Variants in STK39 observed in about 807,000 individuals in gnomAD.
STK39 encodes the protein serine/threonine kinase 39.
Under a neutral mutation model 77.8 loss-of-function variants are expected in STK39, and 20 were observed. That is an observed-to-expected ratio of 0.26 (90% CI 0.18 to 0.37). STK39 has a LOEUF of 0.37. Ranked by LOEUF, STK39 falls within the 10% of genes least tolerant of loss-of-function variation. STK39 has a pLI of 1.00. For synonymous variants in STK39, 246 were observed against 234.1 expected (o/e 1.05, Z -0.47); for missense variants, 479 against 656.5 (o/e 0.73, Z 2.95).
chr2:168,035,866 C>T lies in STK39; in HGVS notation c.1377-18771G>A, dbSNP rs1684939037. Among the ~76,000 whole-genome samples, 7 of 152,168 alleles carry T rather than the reference C, an allele frequency of 4.6e-5. No homozygotes were observed. The South Asian group carries it at 1.5e-3, about 32-fold the overall frequency. Reference sequence around the variant, plus strand: ...CCTACAAAATCCCTACGCCATCACACCCTGCCACTCTCCTTCTTCAGCACC... The same window carrying T: ...CCTACAAAATCCCTACGCCATCACATCCTGCCACTCTCCTTCTTCAGCACC... On this transcript the variant is annotated intron_variant, in intron 14 of 17. Coordinates refer to ENST00000355999, the MANE Select transcript of STK39 (RefSeq NM_013233.3).
rs757407859 is a variant in STK39 at position 168,140,639 on chromosome 2, G to GT, written c.738+9dup. The GT allele has an allele frequency of 3.3e-5, 52 of 1,576,530 alleles. No individual in the cohort carries two copies. Among genetic ancestry groups the GT allele is most frequent in the Middle Eastern group, 1.7e-4 (1 of 5,890 alleles). ...TGTCCATCAAAAAGTCACTTTTTTT[G>GT]TTTTTTTACCTGTTCCATGACTTCA... On this transcript the variant is annotated intron_variant, in intron 6 of 17. Transcript: ENST00000355999.
chr2:168,178,303 A>G (rs1689001895), intron 2 of STK39, among the ~76,000 whole-genome samples: 1 of 152,196 alleles, frequency 6.6e-6, no homozygotes, highest in South Asian at 2.1e-4. Context: ...ACTAAACACT[A>G]AGATCATTAT....
intron 10 of STK39, among the ~76,000 whole-genome samples, chr2:168,117,312 C>T (rs1687283334): frequency 6.6e-6 from 1 of 152,170 alleles, no homozygotes; most frequent in Admixed American, 6.6e-5. Flanking sequence ...CCTCTACCTC[C>T]CCTTGCACTC....
At chr2:168,103,035 A>C (rs968791078) in intron 10 of STK39, among the ~76,000 whole-genome samples, 1 of 151,906 alleles carries the variant, frequency 6.6e-6, no homozygotes, top group African/African-American at 2.4e-5. Flanking sequence ...TTGTGTTCCA[A>C]TCACAGGGAT....
chr2:168,161,266 G>A (rs1247028679), intron 5 of STK39, among the ~76,000 whole-genome samples: 1 of 152,184 alleles, frequency 6.6e-6, no homozygotes, highest in African/African-American at 2.4e-5. Context: ...GTGCTCACCT[G>A]ATATTGTGTG....
chr2:168,022,175 C>CT (rs1434344355), intron 14 of STK39, among the ~76,000 whole-genome samples: 15 of 152,288 alleles, frequency 9.8e-5, no homozygotes, highest in Admixed American at 9.8e-4. Context: ...TATGAACAGA[C>CT]TGTTTCCAAT....
intron 16 of STK39, among the ~76,000 whole-genome samples, chr2:168,006,306 C>T (rs552092157): frequency 2.0e-5 from 3 of 152,330 alleles, no homozygotes; most frequent in African/African-American, 7.2e-5. Context: ...AACATACCCA[C>T]TGGTGTTCCT....
At chr2:168,025,657 A>G (rs1307119588) in intron 14 of STK39, among the ~76,000 whole-genome samples, 1 of 152,268 alleles carries the variant, frequency 6.6e-6, no homozygotes, top group Non-Finnish European at 1.5e-5. Context: ...AGTCCTTGGC[A>G]GACGAATGTG....
In STK39 at chr2:168,247,505, TCGC is replaced by T; in HGVS notation, c.-73_-71del. ...CCTTCCACTTGAAACTTCCTTTGCC[TCGC>T]CGCCGACACCTCTCGGCCGGCGCAC... On this transcript the variant is annotated 5_prime_UTR_variant, in exon 1 of 18. Coordinates refer to ENST00000355999, the MANE Select transcript of STK39 (RefSeq NM_013233.3). 8.7e-7 allele frequency: 1 copy of T among 1,143,096 alleles called. No individual in the cohort carries two copies. Among genetic ancestry groups the T allele is most frequent in the South Asian group, 2.2e-5 (1 of 46,204 alleles). 70.8% of individuals were successfully genotyped at this position (1,143,096 alleles called of 1,614,324 possible). A position where few individuals can be genotyped will look rare whatever the true frequency, so the allele number is the denominator to read the frequency against.
At chr2:168,113,852 T>A (rs1402964478) in intron 10 of STK39, among the ~76,000 whole-genome samples, 1 of 152,144 alleles carries the variant, frequency 6.6e-6, no homozygotes, top group Non-Finnish European at 1.5e-5. Flanking sequence ...GACAGGCAAA[T>A]ATCTCTTGAT....
chr2:168,188,094 C>T (rs181633622), intron 1 of STK39, among the ~76,000 whole-genome samples: 37 of 152,308 alleles, frequency 2.4e-4, no homozygotes, highest in African/African-American at 7.7e-4. Flanking sequence ...TTTAGAGGTG[C>T]TAGCTGGTGA....
intron 2 of STK39, among the ~76,000 whole-genome samples, chr2:168,174,115 T>C (rs1338284705): frequency 2.6e-5 from 4 of 151,870 alleles, no homozygotes; most frequent in Admixed American, 2.0e-4. Context: ...AAGAGAAACA[T>C]TTTTAAGAAA....
chr2:168,118,931 C>G (rs951976345), intron 10 of STK39, among the ~76,000 whole-genome samples: 1 of 152,180 alleles, frequency 6.6e-6, no homozygotes, highest in African/African-American at 2.4e-5. Flanking sequence ...AATAAAAAAG[C>G]AGTGAAAACA....
intron 1 of STK39, among the ~76,000 whole-genome samples, chr2:168,229,651 T>C (rs1305910020): frequency 6.6e-6 from 1 of 152,208 alleles, no homozygotes; most frequent in Non-Finnish European, 1.5e-5. Context: ...AATCTACCTT[T>C]AAATTGAGTG....
At chr2:168,221,588 T>G (rs1236116565) in intron 1 of STK39, among the ~76,000 whole-genome samples, 1 of 152,142 alleles carries the variant, frequency 6.6e-6, no homozygotes, top group African/African-American at 2.4e-5. Context: ...GGATCAACAG[T>G]ACAACTATAT....
chr2:168,221,340 G>T (rs1457355902), intron 1 of STK39, among the ~76,000 whole-genome samples: 1 of 152,140 alleles, frequency 6.6e-6, no homozygotes, highest in African/African-American at 2.4e-5. Context: ...GTTAATACAT[G>T]CGTGTCAAAA....
At chr2:168,163,218 C>G (rs1217666774) in intron 4 of STK39, among the ~76,000 whole-genome samples, 2 of 152,124 alleles carry the variant, frequency 1.3e-5, no homozygotes, top group Non-Finnish European at 2.9e-5. Context: ...AAAGAATTAA[C>G]ATTTTATGTC....
intron 16 of STK39, among the ~76,000 whole-genome samples, chr2:167,976,195 G>A (rs1683272175): frequency 6.6e-6 from 1 of 152,154 alleles, no homozygotes; most frequent in African/African-American, 2.4e-5. Context: ...AACAAAAGAA[G>A]TGAGTATACT....
chr2:168,177,243 T>C (rs1047855471), intron 2 of STK39, among the ~76,000 whole-genome samples: 5 of 152,194 alleles, frequency 3.3e-5, no homozygotes, highest in African/African-American at 9.6e-5. Context: ...ATTATTTCTT[T>C]CATTTTTTTA....
Sources: allele counts gnomAD v4.1 joint callset (sites outside exome capture counted in the v4.1 genomes callset), GRCh38; gene constraint gnomAD v4.1.1; transcripts MANE v1.5; gene names NCBI Gene and HGNC (gene_info 2026-07-23, HGNC 2026-07-21).